NPHP4: variants seen among roughly 807,000 people sequenced by gnomAD.
The protein encoded by NPHP4 is nephrocystin-4.
NPHP4 carries 151 observed loss-of-function variants against 155.8 expected under a neutral mutation model. The ratio of observed to expected loss-of-function variants is 0.97; its 90% confidence interval spans 0.85 to 1.11. NPHP4 has a LOEUF of 1.11. Among genes scored for constraint, NPHP4 ranks in the 50% least tolerant of loss-of-function variants. The probability of loss-of-function intolerance (pLI) is 0.00; values close to 1 mark genes in which losing one functional copy is unlikely to be tolerated. For synonymous variants in NPHP4, 845 were observed against 816.8 expected (o/e 1.03, Z -0.59); for missense variants, 1,956 against 1,925.7 (o/e 1.02, Z -0.29).
At chr1:5,945,631 C>A (rs1190373255) in intron 9 of NPHP4, among the ~76,000 whole-genome samples, 1 of 152,176 alleles carries the variant, frequency 6.6e-6, no homozygotes, top group Admixed American at 6.5e-5. Context: ...ACCCTAAGAC[C>A]GTCCTCAGCA....
rs1387983031 is a variant in NPHP4 at position 5,867,090 on chromosome 1, C to T, written c.3498G>A (p.Glu1166=). The T allele has an allele frequency of 6.2e-7, 1 of 1,612,780 alleles. No homozygotes were observed. Among genetic ancestry groups the T allele is most frequent in the East Asian group, 2.2e-5 (1 of 44,802 alleles). ...FPGAPVGMLG[E]DPPVHVRCSD... ...TGCAGCGAACATGGACTGGGGGGTC[C>T]TCACCAAGCATTCCCACCGGAGCAC... is the stretch of plus-strand genomic sequence containing the variant. The change falls in exon 25 of 30, where the codon GAG becomes GAA. Residue 1166 remains glutamate, a synonymous_variant. Coordinates refer to ENST00000378156, the MANE Select transcript of NPHP4 (RefSeq NM_015102.5). This position sits in a 1 kb window ranked among gnomAD's most constrained non-coding sequence, Gnocchi z 4.1.
chr1:5,877,212 C>T lies in NPHP4; in HGVS notation c.2698G>A (p.Gly900Arg), dbSNP rs1424882864. The T allele has an allele frequency of 1.9e-6, 3 of 1,607,018 alleles. No individual in the cohort carries two copies. Among genetic ancestry groups the T allele is most frequent in the Admixed American group, 1.7e-5 (1 of 59,406 alleles). The change falls in exon 20 of 30, where the codon GGG becomes AGG. Residue 900 changes from glycine (G) to arginine (R), a missense_variant. Transcript: ENST00000378156. ...GACTCGCGGCTGACGTCCTGGGGCC[C>T]CTTGCCCTGCCGGGCATGGGTCAGT... Reference protein sequence around the residue: ...MLLTHARQGKGPQDVSRESDA... With the variant: ...MLLTHARQGKRPQDVSRESDA...
chr1:5,947,297 G>A (rs1405191491), intron 8 of NPHP4, 67 bp from the exon 9 acceptor site: 14 of 1,573,392 alleles, frequency 8.9e-6, no homozygotes, highest in African/African-American at 5.4e-5. Context: ...CATCCACGTC[G>A]ACCACTGTCA....
intron 11 of NPHP4, among the ~76,000 whole-genome samples, chr1:5,916,818 G>A (rs978959970): frequency 6.6e-6 from 1 of 152,214 alleles, no homozygotes; most frequent in Non-Finnish European, 1.5e-5. Context: ...GAGCAGCCTG[G>A]CCAACATGGC....
intron 1 of NPHP4, among the ~76,000 whole-genome samples, chr1:5,989,909 C>T (rs938119028): frequency 3.9e-5 from 6 of 152,226 alleles, no homozygotes; most frequent in East Asian, 1.9e-4. Context: ...AGACACTAGG[C>T]GGAAGGGCAT....
Position 5,905,598 on chromosome 1 carries a change from G to C in NPHP4, c.1763+34C>G. On this transcript the variant is annotated intron_variant, in intron 14 of 29. Coordinates refer to ENST00000378156, the MANE Select transcript of NPHP4 (RefSeq NM_015102.5). The surrounding 1 kb of genome is among the most constrained non-coding windows in gnomAD (Gnocchi z 4.0). ...CCAACAGTCTGACGGCACAGCACGTGACTGGTTCCATCCCACCCAGACCCA... is the reference window on the plus strand; with the variant it reads ...CCAACAGTCTGACGGCACAGCACGTCACTGGTTCCATCCCACCCAGACCCA... 1 of 1,612,550 alleles carries C rather than the reference G, an allele frequency of 6.2e-7. No homozygotes were observed.
rs765558340 is a variant in NPHP4, at chr1:5,880,253, A to T, written c.2486-14T>A. The T allele has an allele frequency of 1.2e-6, 2 of 1,612,980 alleles. No homozygotes were observed. The highest frequency in any genetic ancestry group is 8.5e-7 in the Non-Finnish European group (1 of 1,179,364). On this transcript the variant is annotated splice_polypyrimidine_tract_variant and intron_variant, in intron 18 of 29. Transcript: ENST00000378156. ...CACACGGGTGACCTACATGAAAAAC[A>T]TCCCAACATAAGACATGAACCCCAA...
chr1:5,975,908 G>C (rs57270677), intron 3 of NPHP4, among the ~76,000 whole-genome samples: 4,213 of 152,286 alleles, frequency 0.028, 94 homozygotes, highest in Middle Eastern at 0.068. Context: ...CCAGAGAGTA[G>C]GGAGATGGAA....
chr1:5,907,414 G>A (rs371831641), intron 12 of NPHP4, among the ~76,000 whole-genome samples, 192 bp from the exon 13 acceptor site: 1 of 152,338 alleles, frequency 6.6e-6, no homozygotes, highest in South Asian at 2.1e-4. Flanking sequence ...TTTATTTAAT[G>A]ACAGAGAGGT....
intron 9 of NPHP4, among the ~76,000 whole-genome samples, chr1:5,946,691 G>A (rs1192631510): frequency 6.6e-6 from 1 of 152,278 alleles, no homozygotes; most frequent in African/African-American, 2.4e-5. Flanking sequence ...TCAGGATGGG[G>A]CTGCTCACAG....
At chr1:5,980,503 A>G (rs1335205858) in intron 2 of NPHP4, among the ~76,000 whole-genome samples, 1 of 152,224 alleles carries the variant, frequency 6.6e-6, no homozygotes, top group African/African-American at 2.4e-5. Context: ...GATTCTAAGC[A>G]GAAATGACAC....
At chr1:5,868,865 C>G (rs1641608797) in intron 23 of NPHP4, among the ~76,000 whole-genome samples, 1 of 142,282 alleles carries the variant, frequency 7.0e-6, no homozygotes, top group Non-Finnish European at 1.5e-5. Flanking sequence ...CACATACATG[C>G]ACACATGCCC....
intron 11 of NPHP4, among the ~76,000 whole-genome samples, chr1:5,917,650 C>T (rs112844355): frequency 2.0e-5 from 3 of 152,274 alleles, no homozygotes; most frequent in African/African-American, 7.2e-5. Context: ...TTACTGTGGG[C>T]CAGGACTCAT....
intron 3 of NPHP4, among the ~76,000 whole-genome samples, chr1:5,972,815 T>C (rs1652820392): frequency 6.6e-6 from 1 of 152,190 alleles, no homozygotes; most frequent in African/African-American, 2.4e-5. Context: ...TTAGTGGTGA[T>C]CTGTGAGATT....
chr1:5,964,941 A>ATATTTTTTTTTTT lies in NPHP4; in HGVS notation c.517+2357_517+2358insAAAAAAAAAAATA. Among the ~76,000 whole-genome samples the ATATTTTTTTTTTT allele has an allele frequency of 2.2e-3, 132 of 59,410 alleles. 4 individuals carry two copies. Among genetic ancestry groups the ATATTTTTTTTTTT allele is most frequent in the Non-Finnish European group, 2.9e-3 (103 of 34,974 alleles). 39.0% of individuals were successfully genotyped at this position (59,410 alleles called of 152,430 possible). On this transcript the variant is annotated intron_variant, in intron 5 of 29. Coordinates refer to ENST00000378156, the MANE Select transcript of NPHP4 (RefSeq NM_015102.5). Reference sequence around the variant, plus strand: ...ATTATATATATATATATATATATATATTTTTTTTTTTTGAGGCAGGGTCTC... The same window carrying ATATTTTTTTTTTT: ...ATTATATATATATATATATATATATATATTTTTTTTTTTTTTTTTTTTTTTGAGGCAGGGTCTC...
Position 5,882,244 on chromosome 1 carries a change from CGCGCTTACCCAGCCATCTCTCAGT to C in NPHP4, c.2486-2029_2486-2006del, listed in dbSNP as rs1643360842. 1 of 124,094 alleles carries C rather than the reference CGCGCTTACCCAGCCATCTCTCAGT, an allele frequency of 8.1e-6. No individual in the cohort carries two copies. Among genetic ancestry groups the C allele is most frequent in the African/African-American group, 3.0e-5 (1 of 32,864 alleles). The allele number at this position is 124,094 out of a possible 1,614,324, so 7.7% of individuals were successfully genotyped here. On this transcript the variant is annotated intron_variant, in intron 18 of 29. Transcript: ENST00000378156. The surrounding 1 kb of genome is among the most constrained non-coding windows in gnomAD (Gnocchi z 5.1). ...CGCTTACCCAGCCATCTCTCAGTGG[CGCGCTTACCCAGCCATCTCTCAGT>C]GGCGCGCTTACCCAGCCATCTCTCA...
intron 11 of NPHP4, among the ~76,000 whole-genome samples, chr1:5,918,001 C>T (rs1645560850): frequency 2.0e-5 from 3 of 152,204 alleles, no homozygotes; most frequent in East Asian, 1.9e-4. Flanking sequence ...AACTGCAATG[C>T]GCACGCAGCG....
At chr1:5,895,311 A>G (rs1644340352) in intron 16 of NPHP4, among the ~76,000 whole-genome samples, 1 of 143,378 alleles carries the variant, frequency 7.0e-6, no homozygotes, top group Non-Finnish European at 1.5e-5. Flanking sequence ...GGGCACGTGT[A>G]CCCTAGAATT....
At chr1:5,974,165 C>T (rs1029610593) in intron 3 of NPHP4, among the ~76,000 whole-genome samples, 4 of 152,326 alleles carry the variant, frequency 2.6e-5, no homozygotes, top group Admixed American at 1.3e-4. Context: ...GAGTAAGAGC[C>T]GCTCAAGAGG....
Sources: gnomAD v4.1 joint callset for allele counts (sites outside exome capture counted in the v4.1 genomes callset) on GRCh38, gnomAD v4.1.1 for gene constraint, Gnocchi (gnomAD v3.1) non-coding constraint, MANE v1.5 for transcripts, NCBI Gene and HGNC (gene_info 2026-07-23, HGNC 2026-07-21) for gene names.